The following TBC1D32 variants were observed in gnomAD, a reference collection of about 807,000 sequenced individuals.
The protein encoded by TBC1D32 is TBC1 domain family member 32, also known as protein broad-minded.
A neutral mutation model predicts 170.3 loss-of-function variants in TBC1D32; 151 were observed. The observed-to-expected ratio is 0.89, with a 90% CI of 0.78 to 1.01. The LOEUF is 1.01. TBC1D32 is among the 50% of genes least tolerant of loss of function. The pLI is 0.00. For synonymous variants in TBC1D32, 498 were observed against 488.0 expected (o/e 1.02, Z -0.27); for missense variants, 1,464 against 1,457.1 (o/e 1.00, Z -0.08).
At chr6:121,188,485 G>C (rs1345029970) in intron 22 of TBC1D32, among the ~76,000 whole-genome samples, 1 of 152,014 alleles carries the variant, frequency 6.6e-6, no homozygotes, top group East Asian at 1.9e-4. Context: ...CAAAACTATA[G>C]AACAGAGAGA....
intron 21 of TBC1D32, among the ~76,000 whole-genome samples, chr6:121,220,832 G>T (rs766065294): frequency 2.0e-5 from 3 of 151,700 alleles, no homozygotes; most frequent in Non-Finnish European, 2.9e-5. Flanking sequence ...CTAGACACGG[G>T]GTTTCACCAT....
chr6:121,309,339 G>A (rs978020127), intron 4 of TBC1D32, among the ~76,000 whole-genome samples: 2 of 151,928 alleles, frequency 1.3e-5, no homozygotes, highest in African/African-American at 4.8e-5. Context: ...GAAGGCAACA[G>A]GATTTTTATC....
At chr6:121,189,864 A>G (rs116049484) in intron 22 of TBC1D32, among the ~76,000 whole-genome samples, 376 of 152,154 alleles carry the variant, frequency 2.5e-3, no homozygotes, top group African/African-American at 8.6e-3. Context: ...TACCCTAAGT[A>G]AGACAGGACA....
At chr6:121,136,962 C>CT (rs1243587808) in intron 24 of TBC1D32, among the ~76,000 whole-genome samples, 7 of 152,104 alleles carry the variant, frequency 4.6e-5, no homozygotes, top group Non-Finnish European at 8.8e-5. Context: ...TCAGAACTCA[C>CT]TAAGATTTAA....
chr6:121,302,267 A>G (rs748142485), intron 9 of TBC1D32, among the ~76,000 whole-genome samples: 1 of 152,182 alleles, frequency 6.6e-6, no homozygotes, highest in Non-Finnish European at 1.5e-5. Flanking sequence ...TGGAGCTACA[A>G]CAATTGGGAT....
At chr6:121,263,718 C>T (rs1009436963) in intron 15 of TBC1D32, among the ~76,000 whole-genome samples, 1 of 152,074 alleles carries the variant, frequency 6.6e-6, no homozygotes, top group Admixed American at 6.6e-5. Context: ...TCAGCAAATG[C>T]AAAAGAAATG....
At chr6:121,248,708 GATAA>G (rs1487859481) in intron 17 of TBC1D32, among the ~76,000 whole-genome samples, 2 of 151,294 alleles carry the variant, frequency 1.3e-5, no homozygotes, top group Non-Finnish European at 3.0e-5. Flanking sequence ...ATCTAGAGGA[GATAA>G]ATAAATTTGT....
At chr6:121,223,482 T>C (rs1327719557) in intron 20 of TBC1D32, 130 bp from the exon 21 acceptor site, 3 of 684,346 alleles carry the variant, frequency 4.4e-6, no homozygotes, top group Admixed American at 5.8e-5. Context: ...TTCCCATACG[T>C]TTGAAATATG....
At chr6:121,092,291 A>ATTTTTTTTTT (rs1776886276) in intron 30 of TBC1D32, among the ~76,000 whole-genome samples, 1 of 26,398 alleles carries the variant, frequency 3.8e-5, no homozygotes, top group Non-Finnish European at 8.9e-5. Flanking sequence ...CTTCAGTTTT[A>ATTTTTTTTTT]TGTTTTTTTT....
At chr6:121,174,427 G>T (rs932545622) in intron 22 of TBC1D32, among the ~76,000 whole-genome samples, 4 of 152,186 alleles carry the variant, frequency 2.6e-5, no homozygotes, top group Middle Eastern at 3.4e-3. Flanking sequence ...AATCAAAAGA[G>T]TCAGCACGGA....
chr6:121,329,391 G>A (rs1810905893), intron 1 of TBC1D32, among the ~76,000 whole-genome samples: 1 of 152,192 alleles, frequency 6.6e-6, no homozygotes, highest in Admixed American at 6.5e-5. Flanking sequence ...GCTCACACCT[G>A]TAATCCCAGC....
At chr6:121,282,521 C>T (rs572230544) in intron 13 of TBC1D32, among the ~76,000 whole-genome samples, 4 of 151,772 alleles carry the variant, frequency 2.6e-5, no homozygotes, top group Non-Finnish European at 4.4e-5. Context: ...TCAATAAACA[C>T]GCTGACTTCA....
At chr6:121,292,235 A>T in intron 11 of TBC1D32, 42 bp from the exon 12 acceptor site, 1 of 1,541,296 alleles carries the variant, frequency 6.5e-7, no homozygotes, top group African/African-American at 1.4e-5. Context: ...TAGTATCATT[A>T]TATTTTACAG....
intron 24 of TBC1D32, among the ~76,000 whole-genome samples, chr6:121,157,157 T>C (rs755429254): frequency 2.6e-5 from 4 of 152,136 alleles, no homozygotes; most frequent in Admixed American, 6.6e-5. Flanking sequence ...TTTTCCAGTG[T>C]CAAGAAAAAC....
At chr6:121,175,996 C>G (rs1415887855) in intron 22 of TBC1D32, among the ~76,000 whole-genome samples, 1 of 152,188 alleles carries the variant, frequency 6.6e-6, no homozygotes, top group Non-Finnish European at 1.5e-5. Flanking sequence ...TAAGTGCCTA[C>G]TACTGTTTTA....
intron 20 of TBC1D32, among the ~76,000 whole-genome samples, chr6:121,226,236 T>C (rs1031466239): frequency 2.0e-5 from 3 of 152,106 alleles, no homozygotes; most frequent in Non-Finnish European, 4.4e-5. Context: ...CATAGTATAG[T>C]GCAGGACAAA....
chr6:121,101,654 A>G (rs1196501568), intron 30 of TBC1D32, among the ~76,000 whole-genome samples: 1 of 152,176 alleles, frequency 6.6e-6, no homozygotes, highest in African/African-American at 2.4e-5. Context: ...AAAAACTGGA[A>G]GCATTCCCTT....
intron 12 of TBC1D32, 113 bp from the exon 13 acceptor site, chr6:121,284,023 G>A (rs1294913540): frequency 9.7e-6 from 7 of 724,836 alleles, no homozygotes; most frequent in Non-Finnish European, 1.6e-5. Flanking sequence ...CAGACTACGA[G>A]GCAATCAGGA....
At chr6:121,256,021 A>T in intron 16 of TBC1D32, 63 bp downstream of exon 16, 1 of 1,390,434 alleles carries the variant, frequency 7.2e-7, no homozygotes, top group Non-Finnish European at 1.0e-6. Context: ...ACAACACTAT[A>T]ATGGTGCTTA....
Sources: gnomAD v4.1 joint callset for allele counts (sites outside exome capture counted in the v4.1 genomes callset) on GRCh38, gnomAD v4.1.1 for gene constraint, MANE v1.5 for transcripts, NCBI Gene and HGNC (gene_info 2026-07-23, HGNC 2026-07-21) for gene names.